The following KIF6 variants were observed in gnomAD, a reference collection of about 807,000 sequenced individuals.
The protein encoded by KIF6 is kinesin-like protein KIF6.
Under a neutral mutation model 112.7 loss-of-function variants are expected in KIF6, and 106 were observed. The ratio of observed to expected loss-of-function variants is 0.94; its 90% CI spans 0.80 to 1.11. KIF6 has a LOEUF of 1.11. Ranked by LOEUF, KIF6 falls within the 50% of genes least tolerant of loss-of-function variation. The pLI is 0.00. For missense variants in KIF6, 929 were observed against 964.0 expected, an observed-to-expected ratio of 0.96 and a Z score of 0.48; for synonymous variants, 339 against 339.9, an observed-to-expected ratio of 1.00 and a Z score of 0.03.
chr6:39,442,478 G>A (rs1053474866), intron 13 of KIF6, among the ~76,000 whole-genome samples: 8 of 152,318 alleles, frequency 5.3e-5, no homozygotes, highest in South Asian at 4.1e-4. Flanking sequence ...ACAGAAATCC[G>A]TGGACAGACG....
intron 22 of KIF6, among the ~76,000 whole-genome samples, chr6:39,338,603 C>T (rs766890913): frequency 6.6e-5 from 10 of 152,282 alleles, no homozygotes; most frequent in Non-Finnish European, 1.3e-4. Flanking sequence ...TGCTACACAA[C>T]GGAAATCTCT....
Position 39,334,605 on chromosome 6 carries a change from C to A in KIF6, c.*1927G>T, listed in dbSNP as rs1762844915. ...CCCAGCCTGGCTGACAGAGACCCCC[C>A]CCATCTCAAAAAATAAATAAAAGAA... On this transcript the variant is annotated 3_prime_UTR_variant, in exon 23 of 23. Transcript: ENST00000287152. 1 of 152,034 alleles carries A rather than the reference C, an allele frequency of 6.6e-6. No homozygotes were observed. The highest frequency in any genetic ancestry group is 2.1e-4 in the South Asian group (1 of 4,810). The allele number at this position is 152,034 out of a possible 1,614,324, so 9.4% of individuals were successfully genotyped here.
chr6:39,432,404 A>G (rs1771227612), intron 13 of KIF6, among the ~76,000 whole-genome samples: 1 of 152,208 alleles, frequency 6.6e-6, no homozygotes, highest in Non-Finnish European at 1.5e-5. Context: ...TATGGGCCAC[A>G]TACCACGTCT....
At chr6:39,344,513 A>G (rs190083670) in intron 21 of KIF6, among the ~76,000 whole-genome samples, 125 of 152,094 alleles carry the variant, frequency 8.2e-4, no homozygotes, top group African/African-American at 2.9e-3. Flanking sequence ...AGTGACTTGC[A>G]TTTACCAAGC....
chr6:39,641,825 C>T (rs150259502), intron 3 of KIF6, among the ~76,000 whole-genome samples: 4 of 152,210 alleles, frequency 2.6e-5, no homozygotes, highest in African/African-American at 9.6e-5. Flanking sequence ...TTCTCACTGC[C>T]AGTTGTCCTA....
rs548477620 is a variant in KIF6 at position 39,335,205 on chromosome 6, T to C, written c.*1327A>G. Reference sequence around the variant, plus strand: ...GATAGTGATGCAGAAAAAATGGTAATGGGATAGGGGATAACTAGGGGGTGA... The same window carrying C: ...GATAGTGATGCAGAAAAAATGGTAACGGGATAGGGGATAACTAGGGGGTGA... On this transcript the variant is annotated 3_prime_UTR_variant, in exon 23 of 23. Coordinates refer to ENST00000287152, the MANE Select transcript of KIF6 (RefSeq NM_145027.6). 6.6e-6 allele frequency: 1 copy of C among 151,954 alleles called. No homozygotes were observed. The highest frequency in any genetic ancestry group is 1.9e-4 in the East Asian group (1 of 5,154). The allele number at this position is 151,954 out of a possible 1,614,324, so 9.4% of individuals were successfully genotyped here. A position where few individuals can be genotyped will look rare whatever the true frequency, so the allele number is the denominator to read the frequency against.
chr6:39,576,053 T>C (rs1780953149), intron 10 of KIF6, among the ~76,000 whole-genome samples: 5 of 152,170 alleles, frequency 3.3e-5, no homozygotes, highest in Non-Finnish European at 1.5e-5. Flanking sequence ...GAAACCACCA[T>C]ATTCAAAATC....
intron 9 of KIF6, 117 bp from the exon 10 acceptor site, chr6:39,578,276 G>A: frequency 1.5e-6 from 1 of 650,268 alleles, no homozygotes; most frequent in Admixed American, 2.4e-5. Context: ...AATGGGTAAT[G>A]GTATAAAAAG....
At position 39,400,011 on chromosome 6, in the gene KIF6, T is replaced by C. The variant is rs143738971; in HGVS notation, c.1811-14339A>G. ...GAGGGGAAGGGCCTCAGGCAGGCGCTCCAGAGCAGTGCTTGGAGGCAGTGC... is the reference window on the plus strand; with the variant it reads ...GAGGGGAAGGGCCTCAGGCAGGCGCCCCAGAGCAGTGCTTGGAGGCAGTGC... On this transcript the variant is annotated intron_variant, in intron 15 of 22. Transcript: ENST00000287152. Among the ~76,000 whole-genome samples, 17 of 152,286 alleles carry C rather than the reference T, an allele frequency of 1.1e-4. No individual in the cohort carries two copies. The East Asian group carries it at 2.9e-3, about 26-fold the overall frequency.
chr6:39,557,756 G>A (rs1779786055), intron 10 of KIF6, among the ~76,000 whole-genome samples: 1 of 151,674 alleles, frequency 6.6e-6, no homozygotes, highest in African/African-American at 2.4e-5. Context: ...TGTTGGAGAT[G>A]TACACATATA....
intron 10 of KIF6, among the ~76,000 whole-genome samples, chr6:39,557,914 T>C (rs909694708): frequency 6.6e-6 from 1 of 151,300 alleles, no homozygotes; most frequent in Admixed American, 6.6e-5. Flanking sequence ...CTTGTTATCT[T>C]TGGTGAAATC....
At chr6:39,561,401 G>C (rs2150597088) in intron 10 of KIF6, among the ~76,000 whole-genome samples, 1 of 152,052 alleles carries the variant, frequency 6.6e-6, no homozygotes, top group South Asian at 2.1e-4. Context: ...ACCCAGGCTG[G>C]AGTGCGTTGG....
intron 22 of KIF6, among the ~76,000 whole-genome samples, chr6:39,337,149 T>TTC (rs1762986769): frequency 2.1e-5 from 2 of 95,876 alleles, no homozygotes; most frequent in African/African-American, 5.8e-5. Context: ...CCTTCCTTTC[T>TTC]CTTTCTTTTC....
chr6:39,720,732 A>T lies in KIF6; in HGVS notation c.146T>A (p.Val49Glu). The stretch of plus-strand genomic sequence containing the variant: ...TTTGTAGCTTTCTCGCTTATTATTC[A>T]CAAACCCATCTGCCAAATCACGTGG... ...ILPRDLADGFVNNKRESYKFK... is the reference protein window; with the variant it reads ...ILPRDLADGFENNKRESYKFK... Residue 49 changes from valine (V) to glutamate (E), a missense_variant, in exon 2 of 23, where the codon GTG becomes GAG. Around this residue, in one of 2 missense-constraint regions of KIF6, gnomAD observed 688 missense variants for 662.7 expected, o/e 1.04. Coordinates refer to ENST00000287152, the MANE Select transcript of KIF6 (RefSeq NM_145027.6). 2 of 1,606,188 alleles carry T rather than the reference A, an allele frequency of 1.2e-6. No homozygotes were observed. The highest frequency in any genetic ancestry group is 1.7e-6 in the Non-Finnish European group (2 of 1,173,058).
At chr6:39,692,769 T>G (rs1300562161) in intron 3 of KIF6, among the ~76,000 whole-genome samples, 1 of 152,226 alleles carries the variant, frequency 6.6e-6, no homozygotes, top group Non-Finnish European at 1.5e-5. Flanking sequence ...ACAACCCTAT[T>G]GTACTCTTAC....
chr6:39,510,219 G>A (rs1233841302), intron 13 of KIF6, among the ~76,000 whole-genome samples: 2 of 150,722 alleles, frequency 1.3e-5, no homozygotes, highest in East Asian at 2.0e-4. Context: ...TCAGCCTCCC[G>A]AGTACTGGGT....
chr6:39,337,172 C>CTTCTTTCTTTCTTTCCTTCT (rs1763015253), intron 22 of KIF6, among the ~76,000 whole-genome samples: 41 of 59,504 alleles, frequency 6.9e-4, no homozygotes, highest in African/African-American at 9.1e-4. Context: ...TCTTTCCTTC[C>CTTCTTTCTTTCTTTCCTTCT]TTCTTTCTTT....
chr6:39,578,521 C>T (rs1781107105), intron 9 of KIF6, among the ~76,000 whole-genome samples: 1 of 151,880 alleles, frequency 6.6e-6, no homozygotes, highest in Non-Finnish European at 1.5e-5. Flanking sequence ...TTAGTAGAGA[C>T]AGGGTTTTAC....
intron 10 of KIF6, among the ~76,000 whole-genome samples, chr6:39,561,878 C>A (rs1780026900): frequency 6.6e-6 from 1 of 152,200 alleles, no homozygotes; most frequent in South Asian, 2.1e-4. Flanking sequence ...TACCAGCCAT[C>A]TGAGCTTCTA....
Sources: allele counts gnomAD v4.1 joint callset (sites outside exome capture counted in the v4.1 genomes callset), GRCh38; gene constraint gnomAD v4.1.1; regional missense constraint gnomAD v4.1.1; transcripts MANE v1.5; gene names NCBI Gene and HGNC (gene_info 2026-07-23, HGNC 2026-07-21).